Variants in PARD3 observed in about 807,000 individuals in gnomAD.
The protein encoded by PARD3 is par-3 family cell polarity regulator, also known as partitioning defective 3 homolog.
A neutral mutation model predicts 155.4 loss-of-function variants in PARD3; 75 were observed. That is an observed-to-expected ratio of 0.48 (90% confidence interval 0.40 to 0.58). The LOEUF (loss-of-function observed/expected upper bound fraction) is 0.58. Among genes scored for constraint, PARD3 ranks in the 20% least tolerant of loss-of-function variants. The probability of loss-of-function intolerance (pLI) is 0.00; values close to 1 mark genes in which losing one functional copy is unlikely to be tolerated. For missense variants in PARD3, 1,642 were observed against 1,721.7 expected (o/e 0.95, Z 0.82); for synonymous variants, 576 against 610.5 (o/e 0.94, Z 0.83).
Position 34,187,721 on chromosome 10 carries a change from T to C in PARD3, c.3420-56138A>G, listed in dbSNP as rs115171878. 3.0e-3 allele frequency among the ~76,000 whole-genome samples: 458 copies of C among 152,322 alleles called. 5 individuals are homozygous for C. The highest frequency in any genetic ancestry group is 9.9e-3 in the African/African-American group (410 of 41,578). On this transcript the variant is annotated intron_variant, in intron 22 of 24. Transcript: ENST00000374788. ...ACTTACATGACATTCACTATCCACA[T>C]TGGCAAACTGTTTTCCAACTGAATG...
chr10:34,527,152 G>A (rs1305709569), intron 2 of PARD3, among the ~76,000 whole-genome samples: 1 of 152,206 alleles, frequency 6.6e-6, no homozygotes, highest in Admixed American at 6.5e-5. Flanking sequence ...GAACTGGGAA[G>A]CAGTTAAGCA....
chr10:34,228,642 A>T (rs1170202742), intron 22 of PARD3, among the ~76,000 whole-genome samples: 1 of 152,072 alleles, frequency 6.6e-6, no homozygotes, highest in Non-Finnish European at 1.5e-5. Context: ...GAATTATATG[A>T]TATGAACATT....
intron 1 of PARD3, among the ~76,000 whole-genome samples, chr10:34,702,451 A>G (rs2094296291): frequency 6.6e-6 from 1 of 152,224 alleles, no homozygotes; most frequent in Non-Finnish European, 1.5e-5. Flanking sequence ...TTAAAGCCCC[A>G]GCTTCCCAAT....
chr10:34,595,338 G>T (rs1050318840), intron 2 of PARD3, among the ~76,000 whole-genome samples: 1 of 152,104 alleles, frequency 6.6e-6, no homozygotes, highest in South Asian at 2.1e-4. Context: ...AATGGCCTAA[G>T]TATTTACTGA....
chr10:34,531,822 G>A (rs559872408), intron 2 of PARD3, among the ~76,000 whole-genome samples: 2 of 152,078 alleles, frequency 1.3e-5, no homozygotes, highest in Non-Finnish European at 1.5e-5. Context: ...CGTTATTCAA[G>A]GTTTACAGTT....
Position 34,547,120 on chromosome 10 carries a change from G to A in PARD3, c.223-29961C>T, listed in dbSNP as rs183843503. On this transcript the variant is annotated intron_variant, in intron 2 of 24. Coordinates refer to ENST00000374788, the MANE Select transcript of PARD3 (RefSeq NM_001184785.2). ...ATTCATGCAAATTTATGGATTGTCT[G>A]ACATTATTGAACAGTTCATCAAAAA... Among the ~76,000 whole-genome samples the A allele has an allele frequency of 7.1e-3, 1,085 of 152,330 alleles. 17 individuals are homozygous for A. Among genetic ancestry groups the A allele is most frequent in the African/African-American group, 0.024 (1,004 of 41,580 alleles).
chr10:34,803,007 C>G (rs889654728), intron 1 of PARD3, among the ~76,000 whole-genome samples: 15 of 148,048 alleles, frequency 1.0e-4, no homozygotes, highest in Non-Finnish European at 1.0e-4. Context: ...GGGTGGATCA[C>G]TTGAGGTCAG....
At chr10:34,163,623 G>A (rs924612805) in intron 22 of PARD3, among the ~76,000 whole-genome samples, 1 of 152,122 alleles carries the variant, frequency 6.6e-6, no homozygotes, top group Non-Finnish European at 1.5e-5. Flanking sequence ...GGCCTTGTGG[G>A]TCAGTCTGTT....
chr10:34,698,926 C>T (rs1408104469), intron 1 of PARD3, among the ~76,000 whole-genome samples: 1 of 152,106 alleles, frequency 6.6e-6, no homozygotes, highest in African/African-American at 2.4e-5. Flanking sequence ...TGTCTTCCTC[C>T]CATAACCCCA....
chr10:34,530,125 G>A (rs1004978348), intron 2 of PARD3, among the ~76,000 whole-genome samples: 3 of 152,162 alleles, frequency 2.0e-5, no homozygotes, highest in African/African-American at 7.2e-5. Flanking sequence ...GGAGGGGTTG[G>A]TCTTGCTGTC....
rs540359800 is a variant in PARD3, at chr10:34,357,863, T to C, written c.2067+1284A>G. On this transcript the variant is annotated intron_variant, in intron 14 of 24. Coordinates refer to ENST00000374788, the MANE Select transcript of PARD3 (RefSeq NM_001184785.2). ...GATCTTTCAGAATACGTCACCTCTA[T>C]ATTGACTACCAACTGAGCTCGAGAG... Among the ~76,000 whole-genome samples the C allele has an allele frequency of 1.2e-4, 18 of 152,340 alleles. No individual in the cohort carries two copies. The East Asian group carries it at 3.5e-3, about 29-fold the overall frequency.
chr10:34,520,945 G>A (rs2082106436), intron 2 of PARD3, among the ~76,000 whole-genome samples: 2 of 152,158 alleles, frequency 1.3e-5, no homozygotes, highest in South Asian at 2.1e-4. Flanking sequence ...TTCATAAGGT[G>A]TGTGGCTTAA....
intron 2 of PARD3, among the ~76,000 whole-genome samples, chr10:34,665,916 G>A (rs1471725176): frequency 8.5e-6 from 1 of 117,404 alleles, no homozygotes; most frequent in Non-Finnish European, 1.9e-5. Flanking sequence ...AAAAAGAAAA[G>A]AAAAGAAAAG....
intron 2 of PARD3, among the ~76,000 whole-genome samples, chr10:34,685,213 G>T (rs1157914517): frequency 6.6e-6 from 1 of 152,136 alleles, no homozygotes; most frequent in Non-Finnish European, 1.5e-5. Context: ...TTTTGATTAA[G>T]ACAACAGAAA....
At chr10:34,371,655 G>C (rs888007495) in intron 12 of PARD3, among the ~76,000 whole-genome samples, 1 of 151,214 alleles carries the variant, frequency 6.6e-6, no homozygotes, top group Non-Finnish European at 1.5e-5. Flanking sequence ...AGTCAACAAT[G>C]TAAAAATTTT....
At chr10:34,381,091 A>G (rs1841775955) in intron 9 of PARD3, among the ~76,000 whole-genome samples, 1 of 152,230 alleles carries the variant, frequency 6.6e-6, no homozygotes, top group Non-Finnish European at 1.5e-5. Flanking sequence ...ACCAGTAACC[A>G]GAAATAAGAA....
chr10:34,246,095 G>A lies in PARD3; in HGVS notation c.3419+23562C>T, dbSNP rs181790532. ...AAGTCAAATGTGGACACATTTTCCT[G>A]ATGGCCTCCAGATTTGGCAATTTTG... On this transcript the variant is annotated intron_variant, in intron 22 of 24. Coordinates refer to ENST00000374788, the MANE Select transcript of PARD3 (RefSeq NM_001184785.2). Among the ~76,000 whole-genome samples, 11 of 152,330 alleles carry A rather than the reference G, an allele frequency of 7.2e-5. No homozygotes were observed. The East Asian group carries it at 2.1e-3, about 29-fold the overall frequency.
intron 2 of PARD3, among the ~76,000 whole-genome samples, chr10:34,546,311 T>C (rs1258456576): frequency 6.6e-6 from 1 of 151,780 alleles, no homozygotes; most frequent in African/African-American, 2.4e-5. Context: ...ATGTCAGGGG[T>C]TCGAGACCAG....
intron 22 of PARD3, among the ~76,000 whole-genome samples, chr10:34,245,072 C>CTG (rs34977483): frequency 0.19 from 28,904 of 152,070 alleles, 4,074 homozygotes; most frequent in African/African-American, 0.4. Flanking sequence ...AAAGTACAAA[C>CTG]TGCAAAAAGT....
Sources: gnomAD v4.1 joint callset for allele counts (sites outside exome capture counted in the v4.1 genomes callset) on GRCh38, gnomAD v4.1.1 for gene constraint, MANE v1.5 for transcripts, NCBI Gene and HGNC (gene_info 2026-07-23, HGNC 2026-07-21) for gene names.